The following ZNF407 variants were observed in gnomAD, a reference collection of about 807,000 sequenced individuals.
The protein encoded by ZNF407 is zinc finger protein 407.
A neutral mutation model predicts 131.2 loss-of-function variants in ZNF407; 17 were observed. The ratio of observed to expected loss-of-function variants is 0.13; its 90% CI spans 0.09 to 0.19. The LOEUF (loss-of-function observed/expected upper bound fraction) is 0.19, where lower values mean the gene tolerates loss of function less well. ZNF407 is among the 10% of genes least tolerant of loss of function. ZNF407 has a pLI of 1.00. For missense variants in ZNF407, 2,681 were observed against 2,830.6 expected (o/e 0.95, Z 1.20); for synonymous variants, 1,156 against 1,062.0 (o/e 1.09, Z -1.72).
chr18:74,822,055 G>C (rs1970348227), intron 4 of ZNF407, among the ~76,000 whole-genome samples: 1 of 152,232 alleles, frequency 6.6e-6, no homozygotes, highest in Middle Eastern at 3.4e-3. Flanking sequence ...ATGTTTGTTG[G>C]CTGCATAAAT....
intron 8 of ZNF407, among the ~76,000 whole-genome samples, chr18:74,967,038 A>G (rs996049682): frequency 6.6e-6 from 1 of 152,202 alleles, no homozygotes; most frequent in Non-Finnish European, 1.5e-5. Context: ...AGGCAGGAGC[A>G]TCACTTGAGC....
intron 3 of ZNF407, among the ~76,000 whole-genome samples, chr18:74,766,561 A>G (rs1337374850): frequency 1.3e-5 from 2 of 152,172 alleles, no homozygotes; most frequent in Non-Finnish European, 2.9e-5. Flanking sequence ...AGGGAAGCAA[A>G]TTCTAGGAAA....
chr18:74,989,727 C>CA (rs1972695950), intron 8 of ZNF407, among the ~76,000 whole-genome samples: 1 of 151,794 alleles, frequency 6.6e-6, no homozygotes, highest in Non-Finnish European at 1.5e-5. Context: ...CCTGTAATCC[C>CA]AGCTACTCAG....
intron 8 of ZNF407, among the ~76,000 whole-genome samples, chr18:75,028,156 T>C (rs1276030939): frequency 6.6e-6 from 1 of 152,268 alleles, no homozygotes; most frequent in Non-Finnish European, 1.5e-5. Context: ...CTGGGAATTC[T>C]TAGGGCAGGG....
chr18:74,998,495 A>T (rs879549886), intron 8 of ZNF407, among the ~76,000 whole-genome samples: 1 of 152,330 alleles, frequency 6.6e-6, no homozygotes, highest in East Asian at 1.9e-4. Flanking sequence ...TACTTAGATC[A>T]TCACTTCTAT....
At chr18:74,896,620 C>T (rs1021871740) in intron 7 of ZNF407, among the ~76,000 whole-genome samples, 1 of 152,058 alleles carries the variant, frequency 6.6e-6, no homozygotes, top group African/African-American at 2.4e-5. Flanking sequence ...GGCTGGTTTG[C>T]GAAACTGTTT....
chr18:74,673,625 C>T (rs1261075822), intron 3 of ZNF407, among the ~76,000 whole-genome samples: 1 of 152,222 alleles, frequency 6.6e-6, no homozygotes, highest in African/African-American at 2.4e-5. Context: ...CTGCCTCCCA[C>T]AGACTGTGCT....
intron 3 of ZNF407, among the ~76,000 whole-genome samples, chr18:74,712,751 G>A (rs1372715298): frequency 6.6e-6 from 1 of 152,194 alleles, no homozygotes; most frequent in South Asian, 2.1e-4. Flanking sequence ...TGGGGAAAGA[G>A]TATGAATTTG....
intron 8 of ZNF407, among the ~76,000 whole-genome samples, chr18:74,992,667 G>T (rs1222753801): frequency 1.3e-5 from 2 of 152,186 alleles, no homozygotes; most frequent in African/African-American, 4.8e-5. Context: ...GTCTCCCCTG[G>T]GACAGTTGGA....
At chr18:74,931,014 A>G (rs1180254448) in intron 8 of ZNF407, among the ~76,000 whole-genome samples, 1 of 152,238 alleles carries the variant, frequency 6.6e-6, no homozygotes, top group Non-Finnish European at 1.5e-5. Context: ...TAAATCCTGC[A>G]TTCCTGTGAA....
chr18:75,027,551 A>T (rs1349277536), intron 8 of ZNF407, among the ~76,000 whole-genome samples: 2 of 152,184 alleles, frequency 1.3e-5, no homozygotes, highest in Non-Finnish European at 2.9e-5. Flanking sequence ...TGGGTTGGAT[A>T]TGGAAGGTAG....
chr18:74,665,750 G>A (rs192713392), intron 3 of ZNF407, among the ~76,000 whole-genome samples: 8 of 152,236 alleles, frequency 5.3e-5, no homozygotes, highest in East Asian at 1.9e-4. Flanking sequence ...GAAGTGCGCC[G>A]TTCTACGCCT....
intron 4 of ZNF407, among the ~76,000 whole-genome samples, chr18:74,823,394 C>T (rs577271825): frequency 6.6e-6 from 1 of 152,134 alleles, no homozygotes; most frequent in Admixed American, 6.5e-5. Context: ...GCTAAATGCC[C>T]CAATTAAAAA....
chr18:74,716,758 G>T (rs1450555878), intron 3 of ZNF407, among the ~76,000 whole-genome samples: 1 of 152,112 alleles, frequency 6.6e-6, no homozygotes, highest in Non-Finnish European at 1.5e-5. Flanking sequence ...ATGACATAAA[G>T]AAAGCAATGT....
chr18:74,709,395 A>G (rs1183329982), intron 3 of ZNF407, among the ~76,000 whole-genome samples: 1 of 152,224 alleles, frequency 6.6e-6, no homozygotes, highest in Non-Finnish European at 1.5e-5. Flanking sequence ...GCCACCACCC[A>G]AAAATCCTTG....
At chr18:74,911,839 G>A (rs552447127) in intron 7 of ZNF407, among the ~76,000 whole-genome samples, 1 of 152,286 alleles carries the variant, frequency 6.6e-6, no homozygotes, top group African/African-American at 2.4e-5. Context: ...TCTTTTTGGA[G>A]CAGCATGGAA....
chr18:74,725,168 C>T (rs1054705970), intron 3 of ZNF407, among the ~76,000 whole-genome samples: 1 of 152,094 alleles, frequency 6.6e-6, no homozygotes, highest in African/African-American at 2.4e-5. Context: ...CAGAGTTTCA[C>T]TCCTTCGCCC....
intron 8 of ZNF407, among the ~76,000 whole-genome samples, chr18:74,962,591 T>G (rs1972358987): frequency 6.6e-6 from 1 of 152,236 alleles, no homozygotes; most frequent in African/African-American, 2.4e-5. Context: ...CTCAGCCCTC[T>G]TGAACTACGG....
At chr18:74,883,184 G>A (rs1206356996) in intron 6 of ZNF407, among the ~76,000 whole-genome samples, 1 of 152,072 alleles carries the variant, frequency 6.6e-6, no homozygotes, top group Non-Finnish European at 1.5e-5. Context: ...CTGTCTTTTT[G>A]GCATTTATCT....
Sources: gnomAD v4.1 joint callset for allele counts (sites outside exome capture counted in the v4.1 genomes callset) on GRCh38, gnomAD v4.1.1 for gene constraint, MANE v1.5 for transcripts, NCBI Gene and HGNC (gene_info 2026-07-23, HGNC 2026-07-21) for gene names.